Variants in RORA observed in about 807,000 individuals in gnomAD.
RORA encodes nuclear receptor ROR-alpha.
In RORA, 7 loss-of-function variants were observed where a neutral mutation model predicts 69.5. The observed-to-expected ratio is 0.10, with a 90% confidence interval of 0.06 to 0.19. The LOEUF (loss-of-function observed/expected upper bound fraction) is 0.19. RORA is among the 10% of genes least tolerant of loss of function. The pLI is 1.00. For synonymous variants in RORA, 261 were observed against 240.8 expected (o/e 1.08, Z -0.78); for missense variants, 457 against 663.0 (o/e 0.69, Z 3.41).
intron 1 of RORA, among the ~76,000 whole-genome samples, chr15:61,064,421 C>T (rs1566970912): frequency 1.3e-5 from 2 of 152,142 alleles, no homozygotes; most frequent in South Asian, 2.1e-4. Flanking sequence ...TATATTAGAC[C>T]GTCAAGTTAC....
chr15:61,135,460 T>G (rs2140853066), intron 1 of RORA, among the ~76,000 whole-genome samples: 1 of 151,802 alleles, frequency 6.6e-6, no homozygotes, highest in South Asian at 2.1e-4. Flanking sequence ...AGACACAAAC[T>G]ACCAATAAAG....
At chr15:61,099,854 G>A (rs879291788) in intron 1 of RORA, among the ~76,000 whole-genome samples, 8 of 152,212 alleles carry the variant, frequency 5.3e-5, no homozygotes, top group Admixed American at 1.3e-4. Flanking sequence ...TTAGGTGAAT[G>A]AAATTCGTTT....
chr15:61,210,342 A>G (rs1046108710), intron 1 of RORA, among the ~76,000 whole-genome samples: 12 of 152,360 alleles, frequency 7.9e-5, no homozygotes, highest in African/African-American at 2.6e-4. Context: ...GCTGATACCT[A>G]AAATGGAAAG....
intron 2 of RORA, among the ~76,000 whole-genome samples, chr15:60,611,392 C>T (rs1391611152): frequency 6.6e-6 from 1 of 151,692 alleles, no homozygotes; most frequent in Non-Finnish European, 1.5e-5. Flanking sequence ...AAAAGGGATT[C>T]GATTTGCCAT....
At chr15:60,972,917 C>G (rs1243436214) in intron 1 of RORA, among the ~76,000 whole-genome samples, 18 of 151,754 alleles carry the variant, frequency 1.2e-4, no homozygotes. Flanking sequence ...TCCAGCATAC[C>G]TGGCCAGAAT....
chr15:60,561,604 C>T (rs2067562625), intron 2 of RORA, among the ~76,000 whole-genome samples: 1 of 151,872 alleles, frequency 6.6e-6, no homozygotes, highest in African/African-American at 2.4e-5. Context: ...GTTTTTGGAC[C>T]CCCTTCCATA....
chr15:60,524,044 T>C (rs1016521566), intron 3 of RORA, among the ~76,000 whole-genome samples: 1 of 152,192 alleles, frequency 6.6e-6, no homozygotes, highest in Non-Finnish European at 1.5e-5. Flanking sequence ...GTGACAGGCA[T>C]CATCTTTCCC....
intron 1 of RORA, among the ~76,000 whole-genome samples, chr15:60,702,879 T>G (rs2071003953): frequency 6.6e-6 from 1 of 152,224 alleles, no homozygotes; most frequent in South Asian, 2.1e-4. Flanking sequence ...GCCTTTTCCC[T>G]CTTGCCATTT....
chr15:60,738,003 T>C (rs1376721486), intron 1 of RORA, among the ~76,000 whole-genome samples: 1 of 152,180 alleles, frequency 6.6e-6, no homozygotes, highest in African/African-American at 2.4e-5. Flanking sequence ...GGGTCATAAA[T>C]AAGTAATATA....
intron 1 of RORA, among the ~76,000 whole-genome samples, chr15:61,152,250 A>G (rs1288293150): frequency 1.3e-5 from 2 of 152,132 alleles, no homozygotes; most frequent in Non-Finnish European, 2.9e-5. Flanking sequence ...CCCAACTCCT[A>G]AACTGGAGAA....
intron 1 of RORA, among the ~76,000 whole-genome samples, chr15:60,928,041 C>G (rs532739034): frequency 1.3e-5 from 2 of 152,172 alleles, no homozygotes; most frequent in Non-Finnish European, 2.9e-5. Context: ...AGTCATCAAG[C>G]AAGATTTTCC....
chr15:61,208,594 A>G (rs1296738022), intron 1 of RORA, among the ~76,000 whole-genome samples: 3 of 152,224 alleles, frequency 2.0e-5, no homozygotes, highest in Admixed American at 2.0e-4. Flanking sequence ...GGAATGAATA[A>G]AGAAGTATAT....
Position 60,508,983 on chromosome 15 carries a change from AAG to A in RORA, c.820+2241_820+2242del, listed in dbSNP as rs1178822604. On this transcript the variant is annotated intron_variant, in intron 5 of 10. Coordinates refer to ENST00000335670, the MANE Select transcript of RORA (RefSeq NM_134261.3). ...AATAGGTTGTGCATACTACACTTGA[AAG>A]AGAGAATTGGACTTAGGATGTGTTG... Among the ~76,000 whole-genome samples, 19 of 152,360 alleles carry A rather than the reference AAG, an allele frequency of 1.2e-4. 2 individuals carry two copies. In the Middle Eastern group the frequency reaches 0.024, roughly 191 times the overall value.
At chr15:60,948,799 A>G (rs900111181) in intron 1 of RORA, among the ~76,000 whole-genome samples, 10 of 152,234 alleles carry the variant, frequency 6.6e-5, no homozygotes, top group African/African-American at 2.4e-4. Flanking sequence ...TTCAAGAAAC[A>G]GACACAAACC....
At chr15:60,606,118 C>G (rs1396441475) in intron 2 of RORA, among the ~76,000 whole-genome samples, 4 of 152,216 alleles carry the variant, frequency 2.6e-5, no homozygotes, top group Non-Finnish European at 4.4e-5. Flanking sequence ...TTAAAGCTTT[C>G]AGTTTTAACT....
intron 1 of RORA, among the ~76,000 whole-genome samples, chr15:60,936,568 C>G (rs930640748): frequency 2.0e-5 from 3 of 151,766 alleles, no homozygotes; most frequent in Non-Finnish European, 2.9e-5. Flanking sequence ...CATCACCTAG[C>G]CCCCAAACGG....
At chr15:61,016,336 T>C (rs1322894711) in intron 1 of RORA, among the ~76,000 whole-genome samples, 2 of 152,200 alleles carry the variant, frequency 1.3e-5, no homozygotes, top group South Asian at 2.1e-4. Context: ...GCCGTCATCA[T>C]TGCTTCTGTG....
At chr15:60,683,676 G>A (rs1029214714) in intron 1 of RORA, among the ~76,000 whole-genome samples, 6 of 49,648 alleles carry the variant, frequency 1.2e-4, no homozygotes, top group East Asian at 7.6e-4. Context: ...ACACACACAC[G>A]GCAGGTGTAT....
At chr15:61,139,574 G>A (rs1048854836) in intron 1 of RORA, among the ~76,000 whole-genome samples, 1 of 152,230 alleles carries the variant, frequency 6.6e-6, no homozygotes, top group Non-Finnish European at 1.5e-5. Context: ...TAAACTGGCA[G>A]TCCAACAGTA....
Sources: allele counts gnomAD v4.1 joint callset (sites outside exome capture counted in the v4.1 genomes callset), GRCh38; gene constraint gnomAD v4.1.1; transcripts MANE v1.5; gene names NCBI Gene and HGNC (gene_info 2026-07-23, HGNC 2026-07-21).